The following ADGRL2 variants were observed in gnomAD, a reference collection of about 807,000 sequenced individuals.
ADGRL2 encodes adhesion G protein-coupled receptor L2, also known as calcium-independent alpha-latrotoxin receptor 2.
Under a neutral mutation model 157.4 loss-of-function variants are expected in ADGRL2, and 44 were observed. That is an observed-to-expected ratio of 0.28 (90% CI 0.22 to 0.36). The LOEUF is 0.36. Among genes scored for constraint, ADGRL2 ranks in the 10% least tolerant of loss-of-function variants. ADGRL2 has a pLI of 1.00. For synonymous variants in ADGRL2, 585 were observed against 624.7 expected (o/e 0.94, Z 0.95); for missense variants, 1,510 against 1,768.9 (o/e 0.85, Z 2.63).
At chr1:81,899,501 A>G (rs1010769417) in intron 2 of ADGRL2, among the ~76,000 whole-genome samples, 1 of 152,164 alleles carries the variant, frequency 6.6e-6, no homozygotes, top group Admixed American at 6.6e-5. Context: ...CTTGGGGGGA[A>G]AAACTGTCTT....
chr1:81,793,224 A>G (rs2087432729), intron 2 of ADGRL2, among the ~76,000 whole-genome samples: 1 of 151,808 alleles, frequency 6.6e-6, no homozygotes, highest in Non-Finnish European at 1.5e-5. Context: ...TATAATGTAT[A>G]GCACTCTTGT....
At chr1:81,742,298 T>G (rs1042254681) in intron 1 of ADGRL2, among the ~76,000 whole-genome samples, 2 of 152,026 alleles carry the variant, frequency 1.3e-5, no homozygotes, top group African/African-American at 4.8e-5. Flanking sequence ...CATAAACAAC[T>G]TCACTCATTA....
At chr1:81,989,712 G>A (rs779908187) in intron 23 of ADGRL2, 1 of 1,610,602 alleles carries the variant, frequency 6.2e-7, no homozygotes. Context: ...TGTCCAAAGT[G>A]AGTCATTCCA....
intron 1 of ADGRL2, among the ~76,000 whole-genome samples, chr1:81,831,743 C>A (rs76000340): frequency 1.3e-5 from 2 of 151,930 alleles, no homozygotes; most frequent in Admixed American, 1.3e-4. Flanking sequence ...TTTACTAGGA[C>A]GAGTTATTTT....
intron 1 of ADGRL2, among the ~76,000 whole-genome samples, chr1:81,341,504 G>A (rs369302550): frequency 2.0e-5 from 3 of 151,624 alleles, no homozygotes; most frequent in African/African-American, 7.3e-5. Context: ...TTATTGCCTG[G>A]TACTTAAGCA....
At chr1:81,482,388 A>C (rs12091092) in intron 2 of ADGRL2, among the ~76,000 whole-genome samples, 1 of 152,174 alleles carries the variant, frequency 6.6e-6, no homozygotes, top group Non-Finnish European at 1.5e-5. Context: ...CGTGTTTATT[A>C]TAGAACAACT....
intron 3 of ADGRL2, among the ~76,000 whole-genome samples, chr1:81,664,204 C>G (rs1054429124): frequency 3.3e-5 from 5 of 152,030 alleles, no homozygotes; most frequent in African/African-American, 1.2e-4. Flanking sequence ...AAATATTGGT[C>G]AAATAAACAG....
At chr1:81,862,194 A>G (rs968007073) in intron 2 of ADGRL2, among the ~76,000 whole-genome samples, 6 of 152,184 alleles carry the variant, frequency 3.9e-5, no homozygotes, top group African/African-American at 1.4e-4. Flanking sequence ...AGGAATTTAA[A>G]AAAGAGACTA....
At chr1:81,523,517 C>A (rs2079374990) in intron 2 of ADGRL2, among the ~76,000 whole-genome samples, 2 of 151,368 alleles carry the variant, frequency 1.3e-5, no homozygotes, top group Admixed American at 6.6e-5. Flanking sequence ...TTAAAATAAC[C>A]CAATAAAACA....
chr1:81,659,878 GA>G lies in ADGRL2; in HGVS notation c.-143+78904del, dbSNP rs564829303. Among the ~76,000 whole-genome samples, 94 of 152,110 alleles carry G rather than the reference GA, an allele frequency of 6.2e-4. 1 individual carries two copies. The highest frequency in any genetic ancestry group is 2.1e-3 in the African/African-American group (86 of 41,498). The stretch of plus-strand genomic sequence containing the variant: ...AGTGAGCTGTGATTCAATGTTTATT[GA>G]AAAAACAGAGCTTCATAGATAATGA... On this transcript the variant is annotated intron_variant, in intron 3 of 24. Transcript: ENST00000370721.
intron 2 of ADGRL2, among the ~76,000 whole-genome samples, chr1:81,546,859 G>C (rs1446167357): frequency 1.3e-5 from 2 of 152,152 alleles, no homozygotes; most frequent in Non-Finnish European, 2.9e-5. Flanking sequence ...TCTTCTCCCA[G>C]AGGTGGTCAT....
In ADGRL2 at chr1:81,950,357, C is replaced by T. The variant is rs759899683; in HGVS notation, c.1379C>T (p.Pro460Leu). 2.5e-6 allele frequency: 4 copies of T among 1,613,862 alleles called. No homozygotes were observed. The highest frequency in any genetic ancestry group is 2.7e-5 in the African/African-American group (2 of 74,884). Residue 460 changes from proline (P) to leucine (L), a missense_variant, in exon 7 of 24, where the codon CCA becomes CTA. This residue lies in a region of ADGRL2 where 325 missense variants were observed against 333.2 expected (regional missense o/e 0.98). Coordinates refer to ENST00000686636, the MANE Select transcript of ADGRL2 (RefSeq NM_001366006.2). ...PPPAVSTTKI[P>L]PITNIFPLPE... ...CCAGCAGTTTCTACAACCAAAATTC[C>T]ACCTATAACAAATATTTTTCCCCTG...
At chr1:81,466,580 A>G (rs2078057223) in intron 2 of ADGRL2, among the ~76,000 whole-genome samples, 1 of 152,176 alleles carries the variant, frequency 6.6e-6, no homozygotes, top group African/African-American at 2.4e-5. Context: ...GTCTAACTCA[A>G]ACTAAACCTA....
At chr1:81,719,147 G>C (rs1331698394) in intron 1 of ADGRL2, among the ~76,000 whole-genome samples, 1 of 152,148 alleles carries the variant, frequency 6.6e-6, no homozygotes, top group Non-Finnish European at 1.5e-5. Context: ...TTAAAAGTTT[G>C]GTTTAAACCT....
chr1:81,677,849 T>C (rs1340467673), intron 3 of ADGRL2, among the ~76,000 whole-genome samples: 2 of 152,186 alleles, frequency 1.3e-5, no homozygotes, highest in African/African-American at 2.4e-5. Flanking sequence ...TAAAACAGAA[T>C]TTAATCTCCC....
At chr1:81,646,263 C>G (rs1215833778) in intron 3 of ADGRL2, among the ~76,000 whole-genome samples, 1 of 152,168 alleles carries the variant, frequency 6.6e-6, no homozygotes, top group Non-Finnish European at 1.5e-5. Context: ...AACCTCATCT[C>G]TAATTGCAGA....
At chr1:81,844,339 C>T (rs189883565) in intron 2 of ADGRL2, among the ~76,000 whole-genome samples, 75 of 152,260 alleles carry the variant, frequency 4.9e-4, no homozygotes, top group African/African-American at 1.1e-3. Context: ...GTTAATTTCT[C>T]ATTACTCATT....
At chr1:81,362,460 T>A (rs531713362) in intron 1 of ADGRL2, among the ~76,000 whole-genome samples, 11 of 152,046 alleles carry the variant, frequency 7.2e-5, no homozygotes, top group Admixed American at 5.2e-4. Context: ...AGTCATTACA[T>A]GGGATTACAT....
intron 3 of ADGRL2, among the ~76,000 whole-genome samples, chr1:81,658,038 T>C (rs2082572251): frequency 6.6e-6 from 1 of 152,236 alleles, no homozygotes; most frequent in Non-Finnish European, 1.5e-5. Flanking sequence ...TTTTACTATA[T>C]ATTATGTAGT....
Sources: allele counts gnomAD v4.1 joint callset (sites outside exome capture counted in the v4.1 genomes callset), GRCh38; gene constraint gnomAD v4.1.1; regional missense constraint gnomAD v4.1.1; transcripts MANE v1.5; gene names NCBI Gene and HGNC (gene_info 2026-07-23, HGNC 2026-07-21).